SLC44A5: variants seen among roughly 807,000 people sequenced by gnomAD.
The protein encoded by SLC44A5 is choline transporter-like protein 5.
A neutral mutation model predicts 101.8 loss-of-function variants in SLC44A5; 57 were observed. The observed-to-expected ratio is 0.56, with a 90% CI of 0.45 to 0.70. SLC44A5 has a LOEUF of 0.70. SLC44A5 is among the 30% of genes least tolerant of loss of function. The pLI is 0.00. For missense variants in SLC44A5, 737 were observed against 853.1 expected, an observed-to-expected ratio of 0.86 and a Z score of 1.70; for synonymous variants, 281 against 290.9, an observed-to-expected ratio of 0.97 and a Z score of 0.35.
At chr1:75,541,603 A>G (rs1004245964) in intron 1 of SLC44A5, 87 bp from the exon 2 acceptor site, 1 of 771,598 alleles carries the variant, frequency 1.3e-6, no homozygotes, top group Non-Finnish European at 2.0e-6. Context: ...TGCTCTCATA[A>G]CTTACTATAA....
chr1:75,336,914 T>C (rs1038938640), intron 4 of SLC44A5, among the ~76,000 whole-genome samples: 12 of 152,196 alleles, frequency 7.9e-5, no homozygotes. Context: ...CTGCTACTAC[T>C]TTCCTGTTAG....
chr1:75,452,188 T>C (rs971054857), intron 2 of SLC44A5, among the ~76,000 whole-genome samples: 1 of 152,158 alleles, frequency 6.6e-6, no homozygotes, highest in African/African-American at 2.4e-5. Context: ...TCCGTCAGTC[T>C]AACGGTGGAC....
chr1:75,629,500 A>C, the SLC44A5 span, among the ~76,000 whole-genome samples: 1 of 152,208 alleles, frequency 6.6e-6, no homozygotes, highest in Non-Finnish European at 1.5e-5. Flanking sequence ...TTCAGAAGAG[A>C]GTAGAGTGTG....
At chr1:75,502,602 G>A (rs373519163) in intron 2 of SLC44A5, among the ~76,000 whole-genome samples, 7 of 151,702 alleles carry the variant, frequency 4.6e-5, no homozygotes, top group African/African-American at 1.7e-4. Flanking sequence ...TGTGCACAAC[G>A]TGCAGGTTTG....
At position 75,478,967 on chromosome 1, in the gene SLC44A5, C is replaced by A. The variant is rs191616256; in HGVS notation, c.13+62468G>T. 5.8e-3 allele frequency among the ~76,000 whole-genome samples: 884 copies of A among 152,270 alleles called. 4 individuals are homozygous for A. The highest frequency in any genetic ancestry group is 0.02 in the African/African-American group (847 of 41,542). Reference sequence around the variant, plus strand: ...ATATACATTTGTTTCAGCACCACACCACACCTATTCCAAAATTGACCGCAT... The same window carrying A: ...ATATACATTTGTTTCAGCACCACACAACACCTATTCCAAAATTGACCGCAT... On this transcript the variant is annotated intron_variant, in intron 2 of 23. Transcript: ENST00000370859.
chr1:75,319,057 A>G (rs1260841042), intron 4 of SLC44A5, among the ~76,000 whole-genome samples: 1 of 152,160 alleles, frequency 6.6e-6, no homozygotes, highest in Non-Finnish European at 1.5e-5. Context: ...AAGACTATTA[A>G]ATAATAAGGC....
At chr1:75,537,034 A>AAAAG (rs1553199990) in intron 2 of SLC44A5, among the ~76,000 whole-genome samples, 10 of 18,660 alleles carry the variant, frequency 5.4e-4, no homozygotes, top group African/African-American at 9.3e-4. Flanking sequence ...AAAAAAAAAA[A>AAAAG]TATATATCTA....
intron 13 of SLC44A5, among the ~76,000 whole-genome samples, chr1:75,224,248 T>C (rs764973678): frequency 2.0e-5 from 3 of 152,222 alleles, no homozygotes; most frequent in Non-Finnish European, 4.4e-5. Context: ...CATATAAAAG[T>C]ACAGCACATA....
chr1:75,567,050 G>T (rs919798605), intron 1 of SLC44A5, among the ~76,000 whole-genome samples: 1 of 152,128 alleles, frequency 6.6e-6, no homozygotes, highest in African/African-American at 2.4e-5. Context: ...GGATAGCAAC[G>T]TTGACTAGAG....
rs1345511343 is a variant in SLC44A5, at chr1:75,384,925, A to T, written c.52+11658T>A. ...ATCTCACTCAAAACCACTCAACTAC[A>T]TGGAAACTGAACAACCTGCTCCTGA... On this transcript the variant is annotated intron_variant, in intron 3 of 23. Coordinates refer to ENST00000370859, the MANE Select transcript of SLC44A5 (RefSeq NM_001130058.2). 1.3e-4 allele frequency among the ~76,000 whole-genome samples: 19 copies of T among 151,026 alleles called. 1 individual carries two copies. In the East Asian group the frequency reaches 3.1e-3, roughly 25 times the overall value.
At chr1:75,283,317 T>C (rs1652772360) in intron 5 of SLC44A5, among the ~76,000 whole-genome samples, 1 of 152,170 alleles carries the variant, frequency 6.6e-6, no homozygotes, top group South Asian at 2.1e-4. Context: ...TGTCTATTCA[T>C]GTCCTTTGCC....
chr1:75,226,787 A>G (rs1647205772), intron 13 of SLC44A5, among the ~76,000 whole-genome samples: 1 of 152,156 alleles, frequency 6.6e-6, no homozygotes, highest in Non-Finnish European at 1.5e-5. Context: ...AAGAACACAA[A>G]TCTTACAAGG....
intron 3 of SLC44A5, among the ~76,000 whole-genome samples, chr1:75,349,739 T>G (rs541788306): frequency 6.6e-6 from 1 of 152,046 alleles, no homozygotes; most frequent in Non-Finnish European, 1.5e-5. Flanking sequence ...TGGGGTTAAA[T>G]AAAATGAGAA....
chr1:75,624,862 T>C, the SLC44A5 span, among the ~76,000 whole-genome samples: 1 of 152,132 alleles, frequency 6.6e-6, no homozygotes, highest in South Asian at 2.1e-4. Flanking sequence ...ATGGCAAGTA[T>C]ATGAATGCTT....
chr1:75,601,765 C>T (rs942043175), intron 1 of SLC44A5, among the ~76,000 whole-genome samples: 1 of 152,114 alleles, frequency 6.6e-6, no homozygotes, highest in Non-Finnish European at 1.5e-5. Flanking sequence ...TCACAAATTT[C>T]CCTTCCATAA....
intron 4 of SLC44A5, among the ~76,000 whole-genome samples, chr1:75,325,104 G>GA (rs1452817501): frequency 1.3e-5 from 2 of 152,072 alleles, no homozygotes; most frequent in Non-Finnish European, 1.5e-5. Context: ...GGTAATAAAT[G>GA]GAGTGTATAA....
At chr1:75,685,016 G>A in the SLC44A5 span, among the ~76,000 whole-genome samples, 1 of 152,084 alleles carries the variant, frequency 6.6e-6, no homozygotes, top group Non-Finnish European at 1.5e-5. Context: ...AATCGAGGCA[G>A]AGCTTCCCAA....
At chr1:75,271,497 T>TTTTTTTTTTTTTTTTTGTG (rs1553152601) in intron 6 of SLC44A5, among the ~76,000 whole-genome samples, 1 of 146,304 alleles carries the variant, frequency 6.8e-6, no homozygotes, top group African/African-American at 2.5e-5. Context: ...TCTGCATGTT[T>TTTTTTTTTTTTTTTTTGTG]TGTGTGTGTG....
intron 2 of SLC44A5, among the ~76,000 whole-genome samples, chr1:75,484,483 C>T (rs1668046494): frequency 6.6e-6 from 1 of 152,244 alleles, no homozygotes; most frequent in Non-Finnish European, 1.5e-5. Flanking sequence ...CAGCCTCAGA[C>T]AGCTCCACTT....
Sources: gnomAD v4.1 joint callset for allele counts (sites outside exome capture counted in the v4.1 genomes callset) on GRCh38, gnomAD v4.1.1 for gene constraint, MANE v1.5 for transcripts, NCBI Gene and HGNC (gene_info 2026-07-23, HGNC 2026-07-21) for gene names.